Variants in TMEM164 observed in about 807,000 individuals in gnomAD.
TMEM164 encodes RP13-360B22.2.
TMEM164 carries 4 observed loss-of-function variants against 18.8 expected under a neutral mutation model. That is an observed-to-expected ratio of 0.21 (90% CI 0.10 to 0.49). The LOEUF is 0.49. TMEM164 is among the 20% of genes least tolerant of loss of function. The pLI is 0.98. For missense variants in TMEM164, 108 were observed against 239.9 expected (o/e 0.45, Z 3.63); for synonymous variants, 86 against 101.7 (o/e 0.85, Z 0.93).
At position 110,053,200 on chromosome X, in the gene TMEM164, TC is replaced by T. The variant is rs1255029990; in HGVS notation, c.391-14144del. Among the ~76,000 whole-genome samples the T allele has an allele frequency of 6.3e-5, 7 of 111,987 alleles. No individual in the cohort carries two copies. In the Admixed American group the frequency reaches 6.6e-4, roughly 11 times the overall value. On this transcript the variant is annotated intron_variant, in intron 2 of 6. Coordinates refer to ENST00000372068, the MANE Select transcript of TMEM164 (RefSeq NM_032227.4). ...TCTTGCCAACAGCTCTTACCTTCTTTCCCACCAAAATTTTCCTTTGATAAAA... is the reference window on the plus strand; with the variant it reads ...TCTTGCCAACAGCTCTTACCTTCTTTCCACCAAAATTTTCCTTTGATAAAA...
intron 4 of TMEM164, among the ~76,000 whole-genome samples, chrX:110,120,918 T>G (rs1223862450): frequency 8.9e-6 from 1 of 112,205 alleles, no homozygotes; most frequent in Non-Finnish European, 1.9e-5. Context: ...GCAGCTCTGC[T>G]GTACACCTTG....
intron 3 of TMEM164, among the ~76,000 whole-genome samples, chrX:110,093,576 T>G (rs1406445407): frequency 1.8e-5 from 2 of 112,129 alleles, no homozygotes; most frequent in East Asian, 5.6e-4. Context: ...TTCTTCTCTC[T>G]TTTCTTCTTT....
intron 2 of TMEM164, among the ~76,000 whole-genome samples, chrX:110,020,968 TAAAAAAAAAAAA>T (rs147367236): frequency 2.7e-4 from 12 of 43,637 alleles, no homozygotes; most frequent in Admixed American, 3.2e-4. Context: ...CCCCTTTTTC[TAAAAAAAAAAAA>T]AAAAAAAAAA....
At chrX:110,146,429 A>G (rs1018384534) in intron 5 of TMEM164, among the ~76,000 whole-genome samples, 3 of 112,370 alleles carry the variant, frequency 2.7e-5, no homozygotes, top group African/African-American at 9.7e-5. Flanking sequence ...GGCTAACTCT[A>G]AGATAATTGT....
intron 4 of TMEM164, among the ~76,000 whole-genome samples, chrX:110,140,856 C>T (rs2066759521): frequency 1.8e-5 from 2 of 111,984 alleles, no homozygotes; most frequent in South Asian, 7.4e-4. Flanking sequence ...AATGAATTAA[C>T]CAAGTGGAAC....
intron 2 of TMEM164, among the ~76,000 whole-genome samples, chrX:110,059,608 T>G (rs1264630600): frequency 8.9e-6 from 1 of 112,316 alleles, no homozygotes; most frequent in Non-Finnish European, 1.9e-5. Context: ...AATAGGAACC[T>G]GACAATACTA....
At chrX:110,003,312 A>C in intron 1 of TMEM164, 134 bp downstream of exon 1, 1 of 118,042 alleles carries the variant, frequency 8.5e-6, no homozygotes, top group Admixed American at 9.0e-5. Flanking sequence ...TCGCTGCCGC[A>C]GCACTGCCGG....
At chrX:110,020,720 T>A in intron 2 of TMEM164, 1 of 741,160 alleles carries the variant, frequency 1.3e-6, no homozygotes, top group Non-Finnish European at 1.6e-6. Flanking sequence ...CCACCCACTT[T>A]AAAATATTTA....
At chrX:110,032,293 A>G (rs1424533177) in intron 2 of TMEM164, among the ~76,000 whole-genome samples, 3 of 111,940 alleles carry the variant, frequency 2.7e-5, no homozygotes, top group Non-Finnish European at 5.6e-5. Context: ...AAACTGTAAC[A>G]TGCCCTATAA....
chrX:110,097,798 T>C (rs1396156949), intron 3 of TMEM164, among the ~76,000 whole-genome samples: 1 of 112,110 alleles, frequency 8.9e-6, no homozygotes, highest in Non-Finnish European at 1.9e-5. Context: ...AAGAAAAAAC[T>C]AGGGCAGAAA....
At chrX:110,155,422 T>C (rs2067003512) in intron 5 of TMEM164, among the ~76,000 whole-genome samples, 2 of 110,980 alleles carry the variant, frequency 1.8e-5, no homozygotes, top group South Asian at 7.7e-4. Flanking sequence ...TCCTCCTCTG[T>C]TTCCTGTCTT....
intron 2 of TMEM164, among the ~76,000 whole-genome samples, chrX:110,040,239 C>T (rs756019362): frequency 8.9e-6 from 1 of 112,446 alleles, no homozygotes; most frequent in African/African-American, 3.2e-5. Flanking sequence ...GTACATTCCA[C>T]GGAGAGCCTT....
At chrX:110,086,705 T>C (rs1374712954) in intron 3 of TMEM164, among the ~76,000 whole-genome samples, 1 of 109,118 alleles carries the variant, frequency 9.2e-6, no homozygotes. Flanking sequence ...TATAAAATCA[T>C]GCCAATAAAG....
Position 110,135,882 on chromosome X carries a change from C to T in TMEM164, c.508-8916C>T, listed in dbSNP as rs181857353. Among the ~76,000 whole-genome samples, 74 of 111,880 alleles carry T rather than the reference C, an allele frequency of 6.6e-4. 2 individuals are homozygous for T. In the Admixed American group the frequency reaches 6.7e-3, roughly 10 times the overall value. On this transcript the variant is annotated intron_variant, in intron 4 of 6. Transcript: ENST00000372068. ...GTACTTCAGCCTGCAGCTCCTAAGA[C>T]TAAGGACATTCTCTCGTATAACTAC...
chrX:110,080,712 A>G lies in TMEM164; in HGVS notation c.440+13316A>G, dbSNP rs749900289. ...CTGGAGAGTTATCCAACTTTTTATAATACACAACATTTTTTTCTGTTTTCG... is the reference window on the plus strand; with the variant it reads ...CTGGAGAGTTATCCAACTTTTTATAGTACACAACATTTTTTTCTGTTTTCG... On this transcript the variant is annotated intron_variant, in intron 3 of 6. Coordinates refer to ENST00000372068, the MANE Select transcript of TMEM164 (RefSeq NM_032227.4). Among the ~76,000 whole-genome samples the G allele has an allele frequency of 1.4e-3, 160 of 111,208 alleles. 6 individuals are homozygous for G. The highest frequency in any genetic ancestry group is 1.4e-3 in the Non-Finnish European group (74 of 53,151).
intron 4 of TMEM164, among the ~76,000 whole-genome samples, chrX:110,111,189 C>G (rs933326654): frequency 3.6e-5 from 4 of 112,393 alleles, no homozygotes; most frequent in African/African-American, 9.7e-5. Flanking sequence ...CCTGACTTCA[C>G]CTGGTGGACT....
At chrX:110,066,920 T>G (rs889032307) in intron 2 of TMEM164, among the ~76,000 whole-genome samples, 11 of 111,848 alleles carry the variant, frequency 9.8e-5, no homozygotes, top group Admixed American at 4.7e-4. Context: ...GCAATTCGAA[T>G]GTAACTGGGC....
intron 4 of TMEM164, among the ~76,000 whole-genome samples, chrX:110,128,412 G>A (rs2066565242): frequency 8.9e-6 from 1 of 112,473 alleles, no homozygotes; most frequent in Non-Finnish European, 1.9e-5. Flanking sequence ...TCAGTGGTCA[G>A]CCTTTTTACT....
intron 2 of TMEM164, among the ~76,000 whole-genome samples, chrX:110,019,285 C>G (rs1933664068): frequency 9.0e-6 from 1 of 110,740 alleles, no homozygotes; most frequent in Admixed American, 9.6e-5. Flanking sequence ...TCAATTCCAC[C>G]CTCTTCCTCC....
Sources: allele counts gnomAD v4.1 joint callset (sites outside exome capture counted in the v4.1 genomes callset), GRCh38; gene constraint gnomAD v4.1.1; transcripts MANE v1.5; gene names NCBI Gene and HGNC (gene_info 2026-07-23, HGNC 2026-07-21).